The following UGT2B17 variants were observed in gnomAD, a reference collection of about 807,000 sequenced individuals.
UGT2B17 encodes UDP glucuronosyltransferase family 2 member B17, also known as UDP-glucuronosyltransferase 2B17.
In UGT2B17, 21 loss-of-function variants were observed where a neutral mutation model predicts 48.2. That is an observed-to-expected ratio of 0.44 (90% CI 0.31 to 0.63). UGT2B17 has a LOEUF of 0.63. UGT2B17 is among the 20% of genes least tolerant of loss of function. The pLI, the probability that UGT2B17 is intolerant of heterozygous loss-of-function variation, is 0.08. For synonymous variants in UGT2B17, 146 were observed against 238.4 expected (o/e 0.61, Z 3.57); for missense variants, 402 against 696.1 (o/e 0.58, Z 4.75).
rs1267428812 is a variant in UGT2B17 at position 68,568,336 on chromosome 4, C to T, written c.149G>A (p.Gly50Asp). 2 of 1,380,708 alleles carry T rather than the reference C, an allele frequency of 1.4e-6. 1 individual carries two copies. 85.5% of individuals were successfully genotyped at this position (1,380,708 alleles called of 1,614,324 possible). A position where few individuals can be genotyped will look rare whatever the true frequency, so the allele number is the denominator to read the frequency against. The change falls in exon 2 of 7, where the codon GGT (glycine) becomes GAT (aspartate). Residue 50 changes from glycine (G) to aspartate (D), a missense_variant. Physicochemically the swap from Gly to Asp is moderately conservative, Grantham distance 94. This residue lies in a region of UGT2B17 where 51 missense variants were observed against 108.7 expected (regional missense o/e 0.47). Transcript: ENST00000317746. ...AGATGTCAACACAATCACCTCATGA[C>T]CCCTCTGAACAAGCTCTTCCAGGAT... ...KTILEELVQR[G>D]HEVIVLTSSA... is the part of the protein sequence containing the mutation.
intron 6 of UGT2B17, among the ~76,000 whole-genome samples, chr4:68,549,414 G>C (rs1344099435): frequency 8.1e-6 from 1 of 123,500 alleles, no homozygotes; most frequent in Non-Finnish European, 1.7e-5. Context: ...TTTGATAAGG[G>C]ATAGTATCTA....
In UGT2B17 at chr4:68,542,041, C is replaced by T. The variant is rs1297594854; in HGVS notation, c.1314-4137G>A. On this transcript the variant is annotated intron_variant, in intron 6 of 6. Transcript: ENST00000317746. Reference sequence around the variant, plus strand: ...TTCCAGTACTATGCTGGTTTGGTTACTGTAAGGTGTAAGGAAGGGATCCAG... The same window carrying T: ...TTCCAGTACTATGCTGGTTTGGTTATTGTAAGGTGTAAGGAAGGGATCCAG... Among the ~76,000 whole-genome samples the T allele has an allele frequency of 3.2e-5, 4 of 124,812 alleles. 1 individual carries two copies. Among genetic ancestry groups the T allele is most frequent in the African/African-American group, 5.5e-5 (2 of 36,446 alleles). The allele number at this position is 124,812 out of a possible 152,430, so 81.9% of individuals were successfully genotyped here.
rs1480745578 is a variant in UGT2B17, at chr4:68,568,130, C to T, written c.355G>A (p.Glu119Lys). The T allele has an allele frequency of 2.2e-6, 3 of 1,381,636 alleles. 1 individual carries two copies. Among genetic ancestry groups the T allele is most frequent in the Non-Finnish European group, 9.5e-7 (1 of 1,055,052 alleles). 85.6% of individuals were successfully genotyped at this position (1,381,636 alleles called of 1,614,324 possible). A position where few individuals can be genotyped will look rare whatever the true frequency, so the allele number is the denominator to read the frequency against. The change falls in exon 2 of 7, where the codon GAA becomes AAA. Residue 119 changes from glutamate (E) to lysine (K), a missense_variant. This residue lies in a region of UGT2B17 where 84 missense variants were observed against 92.6 expected (regional missense o/e 0.91). Transcript: ENST00000317746. ...YFSQLQELCW[E>K]YSDYNIKLCE... ...AGCTTTATATTATAGTCAGAATATT[C>T]CCAACACAATTCTTGTAGTTGTGAA...
chr4:68,561,335 C>T lies in UGT2B17; in HGVS notation c.874-667G>A, dbSNP rs748761913. ...AAAGCTGAAGTATAAGAATCATTGA[C>T]GTTCATCAGTCTGGTGTTGGGGCTT... is the stretch of plus-strand genomic sequence containing the variant. On this transcript the variant is annotated intron_variant, in intron 3 of 6. Coordinates refer to ENST00000317746, the MANE Select transcript of UGT2B17 (RefSeq NM_001077.4). Among the ~76,000 whole-genome samples the T allele has an allele frequency of 5.3e-4, 63 of 118,158 alleles. 14 individuals carry two copies. Among genetic ancestry groups the T allele is most frequent in the African/African-American group, 1.6e-3 (54 of 34,596 alleles). 77.5% of individuals were successfully genotyped at this position (118,158 alleles called of 152,430 possible).
In UGT2B17 at chr4:68,562,659, A is replaced by G. The variant is rs1204677384; in HGVS notation, c.874-1991T>C. Among the ~76,000 whole-genome samples the G allele has an allele frequency of 4.7e-5, 6 of 126,452 alleles. 2 individuals carry two copies. The highest frequency in any genetic ancestry group is 1.6e-4 in the African/African-American group (6 of 36,966). The allele number at this position is 126,452 out of a possible 152,430, so 83.0% of individuals were successfully genotyped here. On this transcript the variant is annotated intron_variant, in intron 3 of 6. Transcript: ENST00000317746. ...TCTTTATGAAAGCAATGGTAATAGAAGATCAATGTAAGTAGTCTTGTAAAA... is the reference window on the plus strand; with the variant it reads ...TCTTTATGAAAGCAATGGTAATAGAGGATCAATGTAAGTAGTCTTGTAAAA...
intron 6 of UGT2B17, among the ~76,000 whole-genome samples, chr4:68,548,367 T>C (rs1364017399): frequency 8.0e-6 from 1 of 124,498 alleles, no homozygotes; most frequent in African/African-American, 2.7e-5. Flanking sequence ...TAGGTGGGAA[T>C]TGAACAATGA....
chr4:68,544,759 G>T lies in UGT2B17; in HGVS notation c.1313+5918C>A, dbSNP rs1423252415. Among the ~76,000 whole-genome samples, 2 of 125,258 alleles carry T rather than the reference G, an allele frequency of 1.6e-5. 1 individual carries two copies. Among genetic ancestry groups the T allele is most frequent in the Non-Finnish European group, 3.4e-5 (2 of 59,416 alleles). The allele number at this position is 125,258 out of a possible 152,430, so 82.2% of individuals were successfully genotyped here. On this transcript the variant is annotated intron_variant, in intron 6 of 6. Coordinates refer to ENST00000317746, the MANE Select transcript of UGT2B17 (RefSeq NM_001077.4). Reference sequence around the variant, plus strand: ...AAAGGGATGGAGGAAGATCTACCAAGCAAATGGAAAGCAAAAAAAGGCAGG... The same window carrying T: ...AAAGGGATGGAGGAAGATCTACCAATCAAATGGAAAGCAAAAAAAGGCAGG...
Position 68,543,766 on chromosome 4 carries a change from C to T in UGT2B17, c.1314-5862G>A, listed in dbSNP as rs775802343. Among the ~76,000 whole-genome samples, 76 of 124,780 alleles carry T rather than the reference C, an allele frequency of 6.1e-4. 20 individuals carry two copies. The highest frequency in any genetic ancestry group is 8.5e-4 in the Non-Finnish European group (50 of 59,166). The allele number at this position is 124,780 out of a possible 152,430, so 81.9% of individuals were successfully genotyped here. On this transcript the variant is annotated intron_variant, in intron 6 of 6. Coordinates refer to ENST00000317746, the MANE Select transcript of UGT2B17 (RefSeq NM_001077.4). ...CCTGATGGAGCTGAAAACCATGGCA[C>T]GAGAACTATGTGATGAATGCACAAG...
At chr4:68,555,383 C>A (rs1730982566) in intron 4 of UGT2B17, among the ~76,000 whole-genome samples, 1 of 126,292 alleles carries the variant, frequency 7.9e-6, no homozygotes, top group Admixed American at 8.1e-5. Context: ...ATCTTGTGGC[C>A]TTAAGCAATC....
intron 1 of UGT2B17, among the ~76,000 whole-genome samples, chr4:68,570,081 G>A (rs1731275391): frequency 7.9e-6 from 1 of 126,534 alleles, no homozygotes; most frequent in Non-Finnish European, 1.7e-5. Context: ...ATGTGTAGCA[G>A]GATGAGCCAC....
intron 4 of UGT2B17, among the ~76,000 whole-genome samples, chr4:68,558,486 C>T (rs1731044541): frequency 7.9e-6 from 1 of 126,380 alleles, no homozygotes; most frequent in African/African-American, 2.7e-5. Flanking sequence ...CATACATAAT[C>T]CACTTTCATA....
At chr4:68,539,783 C>CTTTT (rs869200519) in intron 6 of UGT2B17, among the ~76,000 whole-genome samples, 2 of 93,758 alleles carry the variant, frequency 2.1e-5, no homozygotes, top group African/African-American at 3.9e-5. Flanking sequence ...TACATATAAT[C>CTTTT]TTTTTTTTTT....
intron 4 of UGT2B17, among the ~76,000 whole-genome samples, chr4:68,553,042 G>C (rs145475994): frequency 8.0e-6 from 1 of 124,754 alleles, no homozygotes; most frequent in Non-Finnish European, 1.7e-5. Context: ...AGCTGAATTG[G>C]GGTTTTGTCT....
Position 68,568,112 on chromosome 4 carries a change from T to C in UGT2B17, c.373A>G (p.Ile125Val), listed in dbSNP as rs777439564. The C allele has an allele frequency of 7.2e-7, 1 of 1,382,010 alleles. No individual in the cohort carries two copies. The highest frequency in any genetic ancestry group is 9.5e-7 in the Non-Finnish European group (1 of 1,055,344). The allele number at this position is 1,382,010 out of a possible 1,614,324, so 85.6% of individuals were successfully genotyped here. Residue 125 changes from isoleucine (I) to valine (V), a missense_variant, in exon 2 of 7, where the codon ATA becomes GTA. Around this residue, in one of 5 missense-constraint regions of UGT2B17, gnomAD observed 84 missense variants for 92.6 expected, o/e 0.91. Coordinates refer to ENST00000317746, the MANE Select transcript of UGT2B17 (RefSeq NM_001077.4). ...ELCWEYSDYN[I>V]KLCEDAVLNK... ...AAAACTGCATCTTCACAGAGCTTTA[T>C]ATTATAGTCAGAATATTCCCAACAC...
chr4:68,562,847 A>G (rs1315579908), intron 3 of UGT2B17, among the ~76,000 whole-genome samples: 2 of 126,276 alleles, frequency 1.6e-5, no homozygotes, highest in Non-Finnish European at 3.4e-5. Flanking sequence ...TTATCCTACA[A>G]AAAAATTGTG....
chr4:68,554,864 A>G lies in UGT2B17; in HGVS notation c.1006-2953T>C, dbSNP rs1163917114. 1.6e-5 allele frequency among the ~76,000 whole-genome samples: 2 copies of G among 125,644 alleles called. 1 individual carries two copies. The highest frequency in any genetic ancestry group is 3.4e-5 in the Non-Finnish European group (2 of 59,380). 82.4% of individuals were successfully genotyped at this position (125,644 alleles called of 152,430 possible). On this transcript the variant is annotated intron_variant, in intron 4 of 6. Transcript: ENST00000317746. ...GTTATCAAGAATTTGAAAGTCTAATATGGCAAAGAGGAGTTTTTATAAACC... is the reference window on the plus strand; with the variant it reads ...GTTATCAAGAATTTGAAAGTCTAATGTGGCAAAGAGGAGTTTTTATAAACC...
At chr4:68,557,979 C>A (rs1322373825) in intron 4 of UGT2B17, among the ~76,000 whole-genome samples, 1 of 125,046 alleles carries the variant, frequency 8.0e-6, no homozygotes, top group African/African-American at 2.7e-5. Flanking sequence ...GGAATTCACC[C>A]AACTCATAGG....
intron 3 of UGT2B17, among the ~76,000 whole-genome samples, chr4:68,562,249 G>A (rs1342297486): frequency 8.1e-6 from 1 of 124,112 alleles, no homozygotes; most frequent in Non-Finnish European, 1.7e-5. Flanking sequence ...CTGAGTAGCT[G>A]GGATTACAGG....
intron 3 of UGT2B17, among the ~76,000 whole-genome samples, chr4:68,562,338 C>T (rs1731119709): frequency 8.0e-6 from 1 of 125,028 alleles, no homozygotes; most frequent in Non-Finnish European, 1.7e-5. Context: ...TGGTCTTGAC[C>T]TCCTGACCTC....
Sources: gnomAD v4.1 joint callset for allele counts (sites outside exome capture counted in the v4.1 genomes callset) on GRCh38, gnomAD v4.1.1 for gene constraint, gnomAD v4.1.1 regional missense constraint, MANE v1.5 for transcripts, NCBI Gene and HGNC (gene_info 2026-07-23, HGNC 2026-07-21) for gene names.